Variants in TMEM233 observed in about 807,000 individuals in gnomAD.
TMEM233 encodes the protein transmembrane protein 233, also known as dispanin subfamily B member 2.
A neutral mutation model predicts 11.2 loss-of-function variants in TMEM233; 6 were observed. That is an observed-to-expected ratio of 0.54 (90% CI 0.29 to 1.06). The LOEUF (loss-of-function observed/expected upper bound fraction) is 1.06, where lower values mean the gene tolerates loss of function less well. TMEM233 is among the 50% of genes least tolerant of loss of function. TMEM233 has a pLI of 0.08. For missense variants in TMEM233, 127 were observed against 144.7 expected, an observed-to-expected ratio of 0.88 and a Z score of 0.63; for synonymous variants, 59 against 55.8, an observed-to-expected ratio of 1.06 and a Z score of -0.26.
chr12:119,638,162 A>G (rs1473943732), intron 2 of TMEM233, among the ~76,000 whole-genome samples: 2 of 152,170 alleles, frequency 1.3e-5, no homozygotes, highest in Non-Finnish European at 2.9e-5. Flanking sequence ...GGGGAGCTTT[A>G]AACATATGCC....
rs147452698 is a variant in TMEM233, at chr12:119,613,098, T to C, written c.187-16638T>C. Among the ~76,000 whole-genome samples, 26 of 152,086 alleles carry C rather than the reference T, an allele frequency of 1.7e-4. No homozygotes were observed. The East Asian group carries it at 4.8e-3, about 28-fold the overall frequency. ...TTACATTAGGTATTTCTCCTAATGC[T>C]ATGCCTCCCCTAGCCCCCCAATTGT... On this transcript the variant is annotated intron_variant, in intron 1 of 2. Transcript: ENST00000426426.
Position 119,641,586 on chromosome 12 carries a change from C to T in TMEM233, c.*881C>T, listed in dbSNP as rs779175356. 6.6e-5 allele frequency: 10 copies of T among 152,024 alleles called. No individual in the cohort carries two copies. The highest frequency in any genetic ancestry group is 1.5e-4 in the Non-Finnish European group (10 of 68,006). The allele number at this position is 152,024 out of a possible 1,614,324, so 9.4% of individuals were successfully genotyped here. ...CCTGGATGCCACCTGGAAATGCCAC[C>T]CATTGTGTTTCTTTTCTGTCAAATG... On this transcript the variant is annotated 3_prime_UTR_variant, in exon 3 of 3. Coordinates refer to ENST00000426426, the MANE Select transcript of TMEM233 (RefSeq NM_001136534.3).
At chr12:119,605,169 G>A (rs739423) in intron 1 of TMEM233, among the ~76,000 whole-genome samples, 117,840 of 151,844 alleles carry the variant, frequency 0.78, 45,868 homozygotes, top group Middle Eastern at 0.85. Context: ...GTAGTTTAGT[G>A]TTTCTATTAC....
chr12:119,624,562 T>C (rs1259778270), intron 1 of TMEM233, among the ~76,000 whole-genome samples: 2 of 152,128 alleles, frequency 1.3e-5, no homozygotes, highest in Non-Finnish European at 2.9e-5. Flanking sequence ...CATTATTATG[T>C]CTAAGTAAAA....
At chr12:119,647,366 C>T (rs1322446933), downstream of TMEM233, among the ~76,000 whole-genome samples, 6 of 152,338 alleles carry the variant, frequency 3.9e-5, no homozygotes, top group East Asian at 9.6e-4. Flanking sequence ...CCTTGTTGAC[C>T]AGTGATCAGG....
At chr12:119,612,589 A>C (rs1726791156) in intron 1 of TMEM233, among the ~76,000 whole-genome samples, 1 of 152,046 alleles carries the variant, frequency 6.6e-6, no homozygotes, top group Admixed American at 6.6e-5. Context: ...TCTACTAAAA[A>C]TACAGAAACA....
chr12:119,624,203 A>G (rs10849683), intron 1 of TMEM233, among the ~76,000 whole-genome samples: 57,596 of 151,336 alleles, frequency 0.38, 12,616 homozygotes, highest in East Asian at 0.56. Flanking sequence ...TTAAAAAAAA[A>G]ACAAAAATTA....
intron 2 of TMEM233, among the ~76,000 whole-genome samples, chr12:119,639,154 C>T (rs1434327489): frequency 6.6e-6 from 1 of 152,128 alleles, no homozygotes; most frequent in African/African-American, 2.4e-5. Flanking sequence ...GGTACTTGTT[C>T]ATATATTACA....
chr12:119,629,534 G>T (rs1356274027), intron 1 of TMEM233, among the ~76,000 whole-genome samples: 1 of 152,208 alleles, frequency 6.6e-6, no homozygotes, highest in Non-Finnish European at 1.5e-5. Context: ...AAATACAGAG[G>T]GGGCAGTTAA....
At chr12:119,616,882 A>G (rs1403517310) in intron 1 of TMEM233, among the ~76,000 whole-genome samples, 2 of 152,158 alleles carry the variant, frequency 1.3e-5, no homozygotes, top group East Asian at 3.9e-4. Context: ...CTCTCTTGCC[A>G]CCATGTGAAG....
chr12:119,635,062 C>T (rs1183828051), intron 2 of TMEM233, among the ~76,000 whole-genome samples: 4 of 152,220 alleles, frequency 2.6e-5, no homozygotes, highest in Non-Finnish European at 4.4e-5. Context: ...CGCCCTCAAG[C>T]TGCTAGGGAA....
intron 1 of TMEM233, among the ~76,000 whole-genome samples, chr12:119,605,914 T>C (rs564535932): frequency 6.6e-6 from 1 of 152,254 alleles, no homozygotes; most frequent in South Asian, 2.1e-4. Context: ...CCTGAAAATA[T>C]TTATGGAGAG....
In TMEM233 at chr12:119,594,081, G is replaced by A. The variant is rs761218197; in HGVS notation, c.186+47G>A. ...GCAGCCTGGGAGGAGAGACCCGGGC[G>A]GCTTTGAGCCCCTGCAGGGGAGTCC... On this transcript the variant is annotated intron_variant, in intron 1 of 2. Coordinates refer to ENST00000426426, the MANE Select transcript of TMEM233 (RefSeq NM_001136534.3). The surrounding 1 kb of genome is among the most constrained non-coding windows in gnomAD (Gnocchi z 5.6). The A allele has an allele frequency of 4.5e-6, 7 of 1,539,244 alleles. No individual in the cohort carries two copies. The highest frequency in any genetic ancestry group is 3.6e-5 in the South Asian group (3 of 82,362).
At chr12:119,627,344 C>G (rs1243961750) in intron 1 of TMEM233, among the ~76,000 whole-genome samples, 1 of 152,212 alleles carries the variant, frequency 6.6e-6, no homozygotes, top group Non-Finnish European at 1.5e-5. Flanking sequence ...AGTAGTGTGT[C>G]AGTCCATTTT....
At chr12:119,652,417 A>G in the TMEM233 span, among the ~76,000 whole-genome samples, 1 of 152,228 alleles carries the variant, frequency 6.6e-6, no homozygotes, top group African/African-American at 2.4e-5. Context: ...CATTTTTACA[A>G]ATTAAAGACA....
Position 119,594,093 on chromosome 12 carries a change from C to G in TMEM233, c.186+59C>G. On this transcript the variant is annotated intron_variant, in intron 1 of 2. Coordinates refer to ENST00000426426, the MANE Select transcript of TMEM233 (RefSeq NM_001136534.3). This position sits in a 1 kb window ranked among gnomAD's most constrained non-coding sequence, Gnocchi z 5.6. Reference sequence around the variant, plus strand: ...GAGAGACCCGGGCGGCTTTGAGCCCCTGCAGGGGAGTCCGCGCGCTCTCTG... The same window carrying G: ...GAGAGACCCGGGCGGCTTTGAGCCCGTGCAGGGGAGTCCGCGCGCTCTCTG... The G allele has an allele frequency of 6.6e-7, 1 of 1,517,522 alleles. No homozygotes were observed. Among genetic ancestry groups the G allele is most frequent in the Admixed American group, 2.0e-5 (1 of 48,958 alleles). 94.0% of individuals were successfully genotyped at this position (1,517,522 alleles called of 1,614,324 possible). A position where few individuals can be genotyped will look rare whatever the true frequency, so the allele number is the denominator to read the frequency against.
At chr12:119,614,111 A>G (rs1373829282) in intron 1 of TMEM233, among the ~76,000 whole-genome samples, 1 of 152,016 alleles carries the variant, frequency 6.6e-6, no homozygotes, top group East Asian at 1.9e-4. Flanking sequence ...AGAGCTGAGG[A>G]AGCACAATGT....
chr12:119,638,899 C>G (rs566069676), intron 2 of TMEM233, among the ~76,000 whole-genome samples: 1 of 152,036 alleles, frequency 6.6e-6, no homozygotes, highest in African/African-American at 2.4e-5. Flanking sequence ...CAGGTGGAGA[C>G]ATCCTTCTTA....
intron 1 of TMEM233, among the ~76,000 whole-genome samples, chr12:119,624,570 A>G (rs1447278475): frequency 6.6e-6 from 1 of 152,166 alleles, no homozygotes; most frequent in Non-Finnish European, 1.5e-5. Context: ...TGTCTAAGTA[A>G]AAGAATCCAG....
Sources: allele counts gnomAD v4.1 joint callset (sites outside exome capture counted in the v4.1 genomes callset), GRCh38; gene constraint gnomAD v4.1.1; non-coding constraint Gnocchi (gnomAD v3.1); transcripts MANE v1.5; gene names NCBI Gene and HGNC (gene_info 2026-07-23, HGNC 2026-07-21).